DAB1: variants seen among roughly 807,000 people sequenced by gnomAD.
The protein encoded by DAB1 is disabled homolog 1.
Under a neutral mutation model 64.6 loss-of-function variants are expected in DAB1, and 15 were observed. The ratio of observed to expected loss-of-function variants is 0.23; its 90% confidence interval spans 0.16 to 0.36. The LOEUF is 0.36. DAB1 is among the 10% of genes least tolerant of loss of function. DAB1 has a pLI of 1.00. For synonymous variants in DAB1, 235 were observed against 251.9 expected (o/e 0.93, Z 0.64); for missense variants, 596 against 706.7 (o/e 0.84, Z 1.78).
chr1:57,399,581 T>A (rs1215140746), intron 1 of DAB1, among the ~76,000 whole-genome samples: 1 of 152,198 alleles, frequency 6.6e-6, no homozygotes, highest in Non-Finnish European at 1.5e-5. Flanking sequence ...ATGCCTCTCA[T>A]CAGCTCACTG....
At chr1:57,397,357 A>G (rs74074979) in intron 1 of DAB1, among the ~76,000 whole-genome samples, 3,643 of 152,286 alleles carry the variant, frequency 0.024, 129 homozygotes, top group African/African-American at 0.083. Flanking sequence ...ACCAACAGAT[A>G]CATGTTTCAC....
In DAB1 at chr1:57,283,331, C is replaced by T. The variant is rs61767384; in HGVS notation, c.67+7633G>A. The stretch of plus-strand genomic sequence containing the variant: ...AAGAGGGACAAGTGTCTTTTTCTTA[C>T]CAACTACCCCATATTCCTCTAGAGA... On this transcript the variant is annotated intron_variant, in intron 2 of 14. Coordinates refer to ENST00000371236, the MANE Select transcript of DAB1 (RefSeq NM_001365792.1). Among the ~76,000 whole-genome samples, 1,241 of 152,276 alleles carry T rather than the reference C, an allele frequency of 8.1e-3. 29 individuals are homozygous for T. The highest frequency in any genetic ancestry group is 0.08 in the East Asian group (413 of 5,168).
At chr1:57,974,990 T>C (rs113770926) in intron 5 of DAB1, among the ~76,000 whole-genome samples, 98 of 152,248 alleles carry the variant, frequency 6.4e-4, no homozygotes, top group African/African-American at 2.3e-3. Context: ...CTACAATAAC[T>C]GCTATGGACT....
intron 9 of DAB1, among the ~76,000 whole-genome samples, chr1:57,045,629 C>T (rs954921189): frequency 1.6e-4 from 25 of 152,094 alleles, no homozygotes; most frequent in Admixed American, 7.2e-4. Flanking sequence ...ACCTGGGAAG[C>T]GGAGGTTGCA....
intron 1 of DAB1, among the ~76,000 whole-genome samples, chr1:57,301,078 T>C (rs1673608369): frequency 6.6e-6 from 1 of 151,742 alleles, no homozygotes; most frequent in Non-Finnish European, 1.5e-5. Context: ...AAAGAGGTCC[T>C]AGATAAATGA....
intron 5 of DAB1, among the ~76,000 whole-genome samples, chr1:58,135,978 G>T (rs771044518): frequency 1.2e-4 from 19 of 152,120 alleles, no homozygotes; most frequent in Non-Finnish European, 1.9e-4. Flanking sequence ...TGTGTAAAAT[G>T]CAGGGCTAGA....
intron 7 of DAB1, among the ~76,000 whole-genome samples, chr1:57,459,256 C>G (rs987350009): frequency 6.6e-6 from 1 of 152,188 alleles, no homozygotes; most frequent in Admixed American, 6.5e-5. Context: ...AAAGGTATCA[C>G]CAATACTCAA....
rs1648763337 is a variant in DAB1 at position 58,064,962 on chromosome 1, G to A, written n.387+85549C>T. On this transcript the variant is annotated intron_variant and non_coding_transcript_variant, in intron 5 of 20. Coordinates refer to the DAB1 transcript ENST00000485760. ...CCTGACCTCGTGATCCGCCCACCTCGGCCTCCCAAAATGCTGGGATTACAA... is the reference window on the plus strand; with the variant it reads ...CCTGACCTCGTGATCCGCCCACCTCAGCCTCCCAAAATGCTGGGATTACAA... 2.0e-5 allele frequency among the ~76,000 whole-genome samples: 3 copies of A among 152,042 alleles called. No individual in the cohort carries two copies. The South Asian group carries it at 6.2e-4, about 31-fold the overall frequency.
At chr1:58,011,794 C>T (rs992463426) in intron 5 of DAB1, among the ~76,000 whole-genome samples, 2 of 152,112 alleles carry the variant, frequency 1.3e-5, no homozygotes, top group Admixed American at 6.6e-5. Flanking sequence ...CGGGTTCAAG[C>T]GATTCTCCTG....
At position 57,328,851 on chromosome 1, in the gene DAB1, A is replaced by T. The variant is rs912294151; in HGVS notation, c.-136-37685T>A. On this transcript the variant is annotated intron_variant, in intron 1 of 14. Coordinates refer to ENST00000371236, the MANE Select transcript of DAB1 (RefSeq NM_001365792.1). ...TGCCCATGTGGCATGTGAGGGATAA[A>T]ATCATATATCTGACCATTACTTAGC... Among the ~76,000 whole-genome samples the T allele has an allele frequency of 6.5e-4, 99 of 152,308 alleles. 1 individual carries two copies. Among genetic ancestry groups the T allele is most frequent in the African/African-American group, 2.3e-3 (97 of 41,578 alleles).
At chr1:57,990,139 C>T (rs1193595595) in intron 5 of DAB1, among the ~76,000 whole-genome samples, 1 of 152,134 alleles carries the variant, frequency 6.6e-6, no homozygotes, top group Non-Finnish European at 1.5e-5. Flanking sequence ...CAGAGTGTCT[C>T]CTCAGCTCCC....
At chr1:57,865,298 T>C (rs1174126866) in intron 1 of DAB1, among the ~76,000 whole-genome samples, 2 of 152,182 alleles carry the variant, frequency 1.3e-5, no homozygotes, top group Non-Finnish European at 2.9e-5. Flanking sequence ...GCAGTCCTTG[T>C]TGAGACAGCT....
intron 5 of DAB1, chr1:58,074,375 A>G (rs1195507956): frequency 1.3e-5 from 2 of 151,158 alleles, no homozygotes; most frequent in Non-Finnish European, 2.9e-5. Flanking sequence ...CTGTATATAC[A>G]TATTTTTCTC....
intron 5 of DAB1, among the ~76,000 whole-genome samples, chr1:58,130,710 C>T (rs894686973): frequency 1.3e-5 from 2 of 151,214 alleles, no homozygotes; most frequent in Admixed American, 6.6e-5. Flanking sequence ...TTCTCCTTCA[C>T]TTATGAAGCT....
chr1:58,206,317 G>C (rs1658281196), intron 4 of DAB1, among the ~76,000 whole-genome samples: 1 of 152,186 alleles, frequency 6.6e-6, no homozygotes, highest in African/African-American at 2.4e-5. Context: ...ATTTATCTCA[G>C]TGAGCAGAGG....
At chr1:58,034,668 A>G (rs907585875) in intron 5 of DAB1, among the ~76,000 whole-genome samples, 5 of 152,230 alleles carry the variant, frequency 3.3e-5, no homozygotes, top group Non-Finnish European at 7.3e-5. Flanking sequence ...TTCTAGTAGC[A>G]GTTAGCTCAG....
At position 58,463,637 on chromosome 1, in the gene DAB1, C is replaced by T. The variant is rs376943579; in HGVS notation, n.257+42423G>A. Reference sequence around the variant, plus strand: ...GAGAGTCTGTGTGTACATGTATCTACGGCCTGGGCACATCCTGCATGCATA... The same window carrying T: ...GAGAGTCTGTGTGTACATGTATCTATGGCCTGGGCACATCCTGCATGCATA... On this transcript the variant is annotated intron_variant and non_coding_transcript_variant, in intron 3 of 20. Coordinates refer to the DAB1 transcript ENST00000485760. Among the ~76,000 whole-genome samples the T allele has an allele frequency of 9.2e-4, 140 of 152,314 alleles. 1 individual carries two copies. The South Asian group carries it at 0.021, about 22-fold the overall frequency.
At chr1:57,887,112 A>G (rs1644235258), upstream of DAB1, among the ~76,000 whole-genome samples, 1 of 152,262 alleles carries the variant, frequency 6.6e-6, no homozygotes. Context: ...GAAGAACTCA[A>G]GGTCTGGGAC....
chr1:57,046,870 G>T (rs1442213227), intron 9 of DAB1, among the ~76,000 whole-genome samples: 2 of 152,208 alleles, frequency 1.3e-5, no homozygotes, highest in Non-Finnish European at 2.9e-5. Context: ...AAGGATAGAA[G>T]CTTCTTGCCT....
Sources: allele counts gnomAD v4.1 joint callset (sites outside exome capture counted in the v4.1 genomes callset), GRCh38; gene constraint gnomAD v4.1.1; transcripts MANE v1.5; gene names NCBI Gene and HGNC (gene_info 2026-07-23, HGNC 2026-07-21).